The following ATM variants were observed in gnomAD, a reference collection of about 807,000 sequenced individuals.
ATM encodes ATM serine/threonine kinase.
Under a neutral mutation model 387.0 loss-of-function variants are expected in ATM, and 308 were observed. The observed-to-expected ratio is 0.80, with a 90% CI of 0.73 to 0.87. The LOEUF is 0.87. ATM is among the 40% of genes least tolerant of loss of function. The probability of loss-of-function intolerance (pLI) is 0.00; values close to 1 mark genes in which losing one functional copy is unlikely to be tolerated. For missense variants in ATM, 3,312 were observed against 3,560.9 expected, an observed-to-expected ratio of 0.93 and a Z score of 1.78; for synonymous variants, 1,156 against 1,187.3, an observed-to-expected ratio of 0.97 and a Z score of 0.54.
intron 59 of ATM, among the ~76,000 whole-genome samples, chr11:108,348,222 G>GTA (rs1286571838): frequency 1.3e-5 from 2 of 150,654 alleles, no homozygotes; most frequent in South Asian, 2.1e-4. Flanking sequence ...TAGCTTCTAT[G>GTA]TATATATATA....
At chr11:108,316,238 C>G (rs2084637919) in intron 42 of ATM, 125 bp downstream of exon 42, 2 of 990,142 alleles carry the variant, frequency 2.0e-6, no homozygotes, top group Admixed American at 4.0e-5. Context: ...ATCTGTTTTT[C>G]AGAGGATTAG....
In ATM at chr11:108,304,980, T is replaced by C. The variant is rs940367639; in HGVS notation, c.5674+128T>C. 34 of 1,164,666 alleles carry C rather than the reference T, an allele frequency of 2.9e-5. No individual in the cohort carries two copies. In the South Asian group the frequency reaches 3.4e-4, roughly 12 times the overall value. 72.1% of individuals were successfully genotyped at this position (1,164,666 alleles called of 1,614,324 possible). A position where few individuals can be genotyped will look rare whatever the true frequency, so the allele number is the denominator to read the frequency against. On this transcript the variant is annotated intron_variant, in intron 37 of 62. Transcript: ENST00000675843. ...TAACCTCTAAATTTGTTTCTTCATC[T>C]ATGGAATGGAGATAAAAGTTGCCAA... is the stretch of plus-strand genomic sequence containing the variant.
rs876658179 is a variant in ATM at position 108,365,361 on chromosome 11, T to C, written c.9024T>C (p.Arg3008=). The C allele has an allele frequency of 2.5e-6, 4 of 1,614,212 alleles. No individual in the cohort carries two copies. The highest frequency in any genetic ancestry group is 3.4e-6 in the Non-Finnish European group (4 of 1,180,048). ...IDQSFNKVAE[R]VLMRLQEKLK... ...AGAGTTTCAACAAAGTAGCTGAACG[T>C]GTCTTAATGAGACTACAAGAGAAAC... Residue 3008 remains arginine (R), a synonymous_variant, in exon 63 of 63, where the codon CGT becomes CGC. Transcript: ENST00000675843.
At chr11:108,308,655 C>T in intron 38 of ATM, 1 of 245,778 alleles carries the variant, frequency 4.1e-6, no homozygotes, top group Non-Finnish European at 8.0e-6. Context: ...ATCGATGTCT[C>T]ATAAGTGTGT....
intron 14 of ATM, among the ~76,000 whole-genome samples, 186 bp from the exon 15 acceptor site, chr11:108,257,295 A>G (rs938658158): frequency 1.3e-5 from 2 of 152,236 alleles, no homozygotes; most frequent in East Asian, 3.8e-4. Context: ...GCCATTTTAA[A>G]AAATTGTTAA....
chr11:108,252,905 C>G lies in ATM; in HGVS notation c.1891C>G (p.Pro631Ala), dbSNP rs2080232713. 1 of 1,607,824 alleles carries G rather than the reference C, an allele frequency of 6.2e-7. No homozygotes were observed. The highest frequency in any genetic ancestry group is 8.5e-7 in the Non-Finnish European group (1 of 1,174,920). Reference sequence around the variant, plus strand: ...TGCAATGAATTTTTTCCAAAGCGTGCCAGAATGGTATGTTATCTAATAATG... The same window carrying G: ...TGCAATGAATTTTTTCCAAAGCGTGGCAGAATGGTATGTTATCTAATAATG... ...KAAMNFFQSVPECEHHQKDKE... is the reference protein window; with the variant it reads ...KAAMNFFQSVAECEHHQKDKE... Residue 631 changes from proline (P) to alanine (A), a missense_variant, in exon 12 of 63, where the codon CCA (proline) becomes GCA (alanine). Physicochemically the swap from Pro to Ala is conservative, Grantham distance 27. Coordinates refer to ENST00000675843, the MANE Select transcript of ATM (RefSeq NM_000051.4).
intron 14 of ATM, 46 bp downstream of exon 14, chr11:108,256,386 A>C (rs377357560): frequency 1.7e-4 from 271 of 1,568,788 alleles, no homozygotes; most frequent in Non-Finnish European, 2.1e-4. Flanking sequence ...TTTGAATGAA[A>C]TGTATTCCTG....
rs1591534804 is a variant in ATM at position 108,253,981 on chromosome 11, C to T, written c.2066C>T (p.Ser689Leu). ...TCTGTCCACCAGAATCTCAAGGAAT[C>T]ACTGGATCGCTGTCTTCTGGGATTA... ...GFSVHQNLKE[S>L]LDRCLLGLSE... Residue 689 changes from serine (S) to leucine (L), a missense_variant, in exon 13 of 63, where the codon TCA (serine) becomes TTA (leucine). Ser to Leu is a moderately radical substitution (Grantham distance 145). Coordinates refer to ENST00000675843, the MANE Select transcript of ATM (RefSeq NM_000051.4). 2 of 1,614,004 alleles carry T rather than the reference C, an allele frequency of 1.2e-6. No homozygotes were observed. The highest frequency in any genetic ancestry group is 1.7e-6 in the Non-Finnish European group (2 of 1,179,978).
At chr11:108,281,842 T>C (rs2082250080) in intron 24 of ATM, among the ~76,000 whole-genome samples, 1 of 152,244 alleles carries the variant, frequency 6.6e-6, no homozygotes, top group Non-Finnish European at 1.5e-5. Context: ...TACCTCTCAG[T>C]ATAAGACTTG....
chr11:108,284,276 G>A lies in ATM; in HGVS notation c.3796G>A (p.Asp1266Asn), dbSNP rs2135705400. 2 of 1,613,136 alleles carry A rather than the reference G, an allele frequency of 1.2e-6. No individual in the cohort carries two copies. The highest frequency in any genetic ancestry group is 1.7e-6 in the Non-Finnish European group (2 of 1,179,236). ...IPHLVIRSHFDEVKSIANQIQ... is the reference protein window; with the variant it reads ...IPHLVIRSHFNEVKSIANQIQ... ...ACATCTGGTGATTAGAAGTCATTTT[G>A]ATGAGGTGAAGTCCATTGCTAATCA... is the stretch of plus-strand genomic sequence containing the variant. The change falls in exon 26 of 63, where the codon GAT (aspartate) becomes AAT (asparagine). Residue 1266 changes from aspartate (D) to asparagine (N), a missense_variant. Transcript: ENST00000675843.
At chr11:108,245,128 G>T in intron 7 of ATM, 102 bp downstream of exon 7, 1 of 938,904 alleles carries the variant, frequency 1.1e-6, no homozygotes, top group South Asian at 1.4e-5. Flanking sequence ...CTTTCCTCTG[G>T]ATTTCTCTGG....
intron 61 of ATM, among the ~76,000 whole-genome samples, chr11:108,357,667 A>T (rs2090169240): frequency 6.6e-6 from 1 of 151,724 alleles, no homozygotes; most frequent in African/African-American, 2.4e-5. Context: ...ACTGGGAGGC[A>T]CCCCCCAGCA....
chr11:108,328,234 G>A (rs1171407978), intron 48 of ATM, among the ~76,000 whole-genome samples: 1 of 151,980 alleles, frequency 6.6e-6, no homozygotes, highest in African/African-American at 2.4e-5. Flanking sequence ...AACACATGAT[G>A]CGATTGTCTT....
In ATM at chr11:108,267,267, A is replaced by G. The variant is rs749844591; in HGVS notation, c.2563A>G (p.Met855Val). 6.2e-7 allele frequency: 1 copy of G among 1,614,198 alleles called. No homozygotes were observed. The highest frequency in any genetic ancestry group is 8.5e-7 in the Non-Finnish European group (1 of 1,180,022). The change falls in exon 17 of 63, where the codon ATG becomes GTG. Residue 855 changes from methionine (M) to valine (V), a missense_variant. Coordinates refer to ENST00000675843, the MANE Select transcript of ATM (RefSeq NM_000051.4). ...NLMEVEDQSS[M>V]NLFNDYPDSS... ...AATGGAGGTGGAGGATCAGTCATCC[A>G]TGAATCTATTTAACGATTACCCTGA...
intron 26 of ATM, among the ~76,000 whole-genome samples, chr11:108,286,845 A>C (rs1232080903): frequency 6.6e-6 from 1 of 152,210 alleles, no homozygotes; most frequent in East Asian, 1.9e-4. Flanking sequence ...TTCCTTATGC[A>C]TTAAGTAAAT....
intron 27 of ATM, among the ~76,000 whole-genome samples, 176 bp downstream of exon 27, chr11:108,287,891 T>A (rs2082578818): frequency 6.6e-6 from 1 of 152,170 alleles, no homozygotes; most frequent in African/African-American, 2.4e-5. Flanking sequence ...TTTACCATAG[T>A]CTCCCCACAG....
At chr11:108,229,551 T>A (rs546891632) in intron 4 of ATM, 4 of 463,886 alleles carry the variant, frequency 8.6e-6, no homozygotes, top group Non-Finnish European at 1.5e-5. Context: ...AACAAAGAAA[T>A]CTGTAACTGG....
At chr11:108,274,679 TTGAG>T (rs1184149983) in intron 22 of ATM, among the ~76,000 whole-genome samples, 1 of 152,220 alleles carries the variant, frequency 6.6e-6, no homozygotes. Flanking sequence ...TTGTGTGGTT[TTGAG>T]TGAGTTTCTT....
intron 26 of ATM, among the ~76,000 whole-genome samples, chr11:108,286,761 GC>G (rs1477357016): frequency 3.9e-5 from 6 of 152,038 alleles, no homozygotes; most frequent in Non-Finnish European, 8.8e-5. Context: ...TTATTGCCCT[GC>G]CTCATTTACG....
Sources: allele counts gnomAD v4.1 joint callset (sites outside exome capture counted in the v4.1 genomes callset), GRCh38; gene constraint gnomAD v4.1.1; transcripts MANE v1.5; gene names NCBI Gene and HGNC (gene_info 2026-07-23, HGNC 2026-07-21).